Variants in ZNF385D observed in about 807,000 individuals in gnomAD.
ZNF385D encodes zinc finger protein 385D.
Under a neutral mutation model 35.8 loss-of-function variants are expected in ZNF385D, and 15 were observed. The ratio of observed to expected loss-of-function variants is 0.42; its 90% CI spans 0.28 to 0.64. The LOEUF is 0.64. ZNF385D is among the 30% of genes least tolerant of loss of function. ZNF385D has a pLI of 0.23. For synonymous variants in ZNF385D, 212 were observed against 186.8 expected (o/e 1.13, Z -1.10); for missense variants, 474 against 494.6 (o/e 0.96, Z 0.39).
At chr3:22,048,068 T>C (rs1260157107) in intron 3 of ZNF385D, among the ~76,000 whole-genome samples, 4 of 152,128 alleles carry the variant, frequency 2.6e-5, no homozygotes, top group African/African-American at 9.7e-5. Context: ...CATTCATTTT[T>C]TTCATTTCTT....
chr3:21,615,642 G>A (rs2064823863), intron 2 of ZNF385D, among the ~76,000 whole-genome samples: 1 of 151,708 alleles, frequency 6.6e-6, no homozygotes. Flanking sequence ...AAACACTAGA[G>A]TTTTATTGTT....
At chr3:21,569,618 G>A (rs977020120) in intron 2 of ZNF385D, among the ~76,000 whole-genome samples, 2 of 149,448 alleles carry the variant, frequency 1.3e-5, no homozygotes, top group Admixed American at 6.7e-5. Context: ...ATGTTAGCTG[G>A]TTATTTTGCT....
chr3:21,829,991 G>A (rs1447800388), intron 3 of ZNF385D, among the ~76,000 whole-genome samples: 1 of 151,916 alleles, frequency 6.6e-6, no homozygotes, highest in African/African-American at 2.4e-5. Context: ...GTGCCTGATG[G>A]CAGGCGCCTT....
At position 21,499,129 on chromosome 3, in the gene ZNF385D, T is replaced by C. The variant is rs535490703; in HGVS notation, c.439+11732A>G. On this transcript the variant is annotated intron_variant, in intron 4 of 7. Transcript: ENST00000281523. ...TAGACCCAGCAACCCCTTTTTTGAG[T>C]ATATCTCCAAAGGAACATAAATCAT... 9.9e-5 allele frequency among the ~76,000 whole-genome samples: 15 copies of C among 152,094 alleles called. No homozygotes were observed. In the South Asian group the frequency reaches 3.1e-3, roughly 32 times the overall value.
chr3:22,336,643 C>G (rs566269295), intron 2 of ZNF385D, among the ~76,000 whole-genome samples: 1 of 152,076 alleles, frequency 6.6e-6, no homozygotes, highest in South Asian at 2.1e-4. Context: ...ATGTTTATAA[C>G]TGGTAAAATT....
At chr3:21,434,331 C>G (rs892238177) in intron 5 of ZNF385D, among the ~76,000 whole-genome samples, 4 of 152,228 alleles carry the variant, frequency 2.6e-5, no homozygotes, top group South Asian at 4.1e-4. Context: ...TCCAAATCTG[C>G]TCTTGAGGGA....
intron 4 of ZNF385D, among the ~76,000 whole-genome samples, chr3:21,451,871 A>G (rs1401381546): frequency 1.3e-5 from 2 of 152,120 alleles, no homozygotes; most frequent in African/African-American, 4.8e-5. Context: ...CAAAGCCATT[A>G]TCAGCATCAA....
At chr3:22,038,949 C>A (rs1053064734) in intron 3 of ZNF385D, among the ~76,000 whole-genome samples, 1 of 150,236 alleles carries the variant, frequency 6.7e-6, no homozygotes, top group African/African-American at 2.4e-5. Context: ...TATGATCAGG[C>A]ATGACTCAAT....
chr3:21,583,951 C>CTTACTTATTTATTTATTTAT (rs1553617403), intron 2 of ZNF385D, among the ~76,000 whole-genome samples: 4 of 132,878 alleles, frequency 3.0e-5, no homozygotes, highest in Admixed American at 1.5e-4. Flanking sequence ...ATTTATTTTA[C>CTTACTTATTTATTTATTTAT]TTATTTACTT....
At chr3:22,135,920 A>G (rs112669055) in intron 3 of ZNF385D, among the ~76,000 whole-genome samples, 138 of 152,340 alleles carry the variant, frequency 9.1e-4, no homozygotes, top group African/African-American at 3.2e-3. Flanking sequence ...ACAATTGCAC[A>G]TCCACAGGCA....
chr3:22,062,227 T>G (rs1699726606), intron 3 of ZNF385D, among the ~76,000 whole-genome samples: 1 of 152,026 alleles, frequency 6.6e-6, no homozygotes, highest in East Asian at 1.9e-4. Flanking sequence ...TTTATTTTTA[T>G]TTTTATTTTG....
chr3:21,617,140 T>C (rs1021420881), intron 2 of ZNF385D, among the ~76,000 whole-genome samples: 1 of 152,176 alleles, frequency 6.6e-6, no homozygotes, highest in East Asian at 1.9e-4. Context: ...ATGTGTTAAG[T>C]ATTAGAGAAT....
At chr3:22,292,118 T>G (rs1187319188) in intron 2 of ZNF385D, among the ~76,000 whole-genome samples, 2 of 152,060 alleles carry the variant, frequency 1.3e-5, no homozygotes, top group African/African-American at 4.8e-5. Flanking sequence ...TTTAATTGAA[T>G]AATTCTTTAT....
At chr3:21,708,495 T>C (rs1192187327) in intron 1 of ZNF385D, among the ~76,000 whole-genome samples, 1 of 152,224 alleles carries the variant, frequency 6.6e-6, no homozygotes, top group Non-Finnish European at 1.5e-5. Context: ...GATTCCTGAA[T>C]GTTCCAGTCT....
intron 4 of ZNF385D, chr3:21,443,258 C>T: frequency 2.0e-6 from 2 of 985,342 alleles, no homozygotes; most frequent in Non-Finnish European, 2.4e-6. Context: ...TGCTTCACTA[C>T]CAGGCTCAAG....
intron 2 of ZNF385D, among the ~76,000 whole-genome samples, chr3:22,241,897 C>G (rs1475277815): frequency 6.6e-6 from 1 of 150,866 alleles, no homozygotes; most frequent in African/African-American, 2.5e-5. Flanking sequence ...CACATTTCAA[C>G]ATAGTACTAT....
chr3:22,092,772 C>T (rs1452477436), intron 3 of ZNF385D, among the ~76,000 whole-genome samples: 1 of 152,014 alleles, frequency 6.6e-6, no homozygotes, highest in Non-Finnish European at 1.5e-5. Flanking sequence ...TGATGTTTAT[C>T]TTCTGGATCC....
intron 4 of ZNF385D, among the ~76,000 whole-genome samples, chr3:21,458,502 G>A (rs1702966874): frequency 6.6e-6 from 1 of 151,250 alleles, no homozygotes; most frequent in Non-Finnish European, 1.5e-5. Context: ...GGAAGGGAGA[G>A]AAAGACCATG....
At chr3:22,091,588 A>AT (rs1320095811) in intron 3 of ZNF385D, among the ~76,000 whole-genome samples, 1 of 127,294 alleles carries the variant, frequency 7.9e-6, no homozygotes, top group Non-Finnish European at 1.7e-5. Context: ...TCTACCCAGT[A>AT]GGAAAAAAAA....
Sources: gnomAD v4.1 joint callset for allele counts (sites outside exome capture counted in the v4.1 genomes callset) on GRCh38, gnomAD v4.1.1 for gene constraint, MANE v1.5 for transcripts, NCBI Gene and HGNC (gene_info 2026-07-23, HGNC 2026-07-21) for gene names.